Variants in LDLRAD4 observed in about 807,000 individuals in gnomAD.
LDLRAD4 encodes the protein low density lipoprotein receptor class A domain containing 4, also known as low-density lipoprotein receptor class A domain-containing protein 4.
LDLRAD4 carries 5 observed loss-of-function variants against 17.0 expected under a neutral mutation model. That is an observed-to-expected ratio of 0.29 (90% CI 0.15 to 0.62). LDLRAD4 has a LOEUF of 0.62. Ranked by LOEUF, LDLRAD4 falls within the 20% of genes least tolerant of loss-of-function variation. The probability of loss-of-function intolerance (pLI) is 0.84; values close to 1 mark genes in which losing one functional copy is unlikely to be tolerated. For synonymous variants in LDLRAD4, 168 were observed against 171.8 expected (o/e 0.98, Z 0.17); for missense variants, 340 against 424.7 (o/e 0.80, Z 1.75).
At chr18:13,377,975 A>G (rs941932690) in intron 1 of LDLRAD4, among the ~76,000 whole-genome samples, 2 of 152,348 alleles carry the variant, frequency 1.3e-5, no homozygotes, top group Admixed American at 6.5e-5. Context: ...TATTCCTCAG[A>G]TAATGAATGT....
intron 3 of LDLRAD4, among the ~76,000 whole-genome samples, chr18:13,502,016 G>T (rs929161135): frequency 3.9e-5 from 6 of 152,354 alleles, no homozygotes; most frequent in Non-Finnish European, 8.8e-5. Context: ...GGTAGGTGCC[G>T]TAGGCAAATT....
At chr18:13,478,695 T>C (rs1024061644) in intron 3 of LDLRAD4, among the ~76,000 whole-genome samples, 5 of 152,220 alleles carry the variant, frequency 3.3e-5, no homozygotes, top group African/African-American at 1.2e-4. Flanking sequence ...AAGATGCCGG[T>C]TCTTCCCAAA....
At chr18:13,551,425 G>A (rs577769830) in intron 3 of LDLRAD4, among the ~76,000 whole-genome samples, 1 of 152,234 alleles carries the variant, frequency 6.6e-6, no homozygotes, top group Non-Finnish European at 1.5e-5. Flanking sequence ...TTGACACAGA[G>A]CAAAGAGTGA....
chr18:13,339,992 G>A (rs917074003), intron 1 of LDLRAD4, among the ~76,000 whole-genome samples: 1 of 151,978 alleles, frequency 6.6e-6, no homozygotes, highest in African/African-American at 2.4e-5. Context: ...CTTTCTCTAT[G>A]AATTTGATTA....
Position 13,645,797 on chromosome 18 carries a change from G to C in LDLRAD4, c.*140G>C, listed in dbSNP as rs948273763. 21 of 572,120 alleles carry C rather than the reference G, an allele frequency of 3.7e-5. No homozygotes were observed. Among genetic ancestry groups the C allele is most frequent in the Non-Finnish European group, 5.9e-5 (21 of 358,130 alleles). 35.4% of individuals were successfully genotyped at this position (572,120 alleles called of 1,614,324 possible). A position where few individuals can be genotyped will look rare whatever the true frequency, so the allele number is the denominator to read the frequency against. ...ATGAGCAAACACGGTCTTTGTTTCT[G>C]ATTCCTTTTAGGGGAATTGCATGCA... On this transcript the variant is annotated 3_prime_UTR_variant, in exon 6 of 6. Transcript: ENST00000359446. The surrounding 1 kb of genome is among the most constrained non-coding windows in gnomAD (Gnocchi z 5.7).
chr18:13,402,621 C>T (rs1446171686), intron 2 of LDLRAD4, among the ~76,000 whole-genome samples: 1 of 152,184 alleles, frequency 6.6e-6, no homozygotes. Flanking sequence ...CTTTCTAACA[C>T]GTTGCATTTG....
At chr18:13,603,659 C>G (rs2095189459) in intron 3 of LDLRAD4, among the ~76,000 whole-genome samples, 1 of 152,258 alleles carries the variant, frequency 6.6e-6, no homozygotes, top group Admixed American at 6.5e-5. Context: ...GAAGCGCCAT[C>G]TCAGTGTTAG....
At chr18:13,391,232 T>C (rs2086251809) in intron 2 of LDLRAD4, among the ~76,000 whole-genome samples, 1 of 152,218 alleles carries the variant, frequency 6.6e-6, no homozygotes, top group Admixed American at 6.5e-5. Context: ...TTTGTCACTT[T>C]ATGTTCCAAT....
upstream of LDLRAD4, among the ~76,000 whole-genome samples, chr18:13,277,374 G>T (rs1428550785): frequency 6.6e-6 from 1 of 152,214 alleles, no homozygotes; most frequent in Non-Finnish European, 1.5e-5. Flanking sequence ...AACTGCTTTG[G>T]AGCTCGAGGC....
intron 3 of LDLRAD4, among the ~76,000 whole-genome samples, chr18:13,523,385 G>C (rs1279898772): frequency 6.6e-6 from 1 of 152,204 alleles, no homozygotes. Flanking sequence ...TGTTGGGAGG[G>C]GAGTGGGCCA....
chr18:13,378,434 A>G lies in LDLRAD4; in HGVS notation c.-382-8907A>G, dbSNP rs573145839. ...GGAAGCTTGAGAGGTGCATGTGAAG[A>G]ACTTAAAAGGTCAGCACTTTACCAA... On this transcript the variant is annotated intron_variant, in intron 1 of 5. Transcript: ENST00000359446. Among the ~76,000 whole-genome samples, 9 of 152,304 alleles carry G rather than the reference A, an allele frequency of 5.9e-5. No individual in the cohort carries two copies. The South Asian group carries it at 1.9e-3, about 32-fold the overall frequency.
chr18:13,389,025 T>G (rs1325882428), intron 2 of LDLRAD4, among the ~76,000 whole-genome samples: 1 of 152,180 alleles, frequency 6.6e-6, no homozygotes, highest in Non-Finnish European at 1.5e-5. Context: ...GCTCCGCAGC[T>G]GTGTACACCT....
chr18:13,625,821 GCCAGAGCCCTCCTCCCCCCA>G lies in LDLRAD4; in HGVS notation c.336+4567_336+4586del, dbSNP rs1393800726. Among the ~76,000 whole-genome samples the G allele has an allele frequency of 6.3e-3, 572 of 90,236 alleles. 5 individuals are homozygous for G. The highest frequency in any genetic ancestry group is 0.021 in the African/African-American group (508 of 23,976). The allele number at this position is 90,236 out of a possible 152,430, so 59.2% of individuals were successfully genotyped here. Reference sequence around the variant, plus strand: ...CCTCAGCCGGCGCCCTCCTCCCCCCGCCAGAGCCCTCCTCCCCCCACCAGAGCCCTCCTCCCTCCACCAGC... The same window carrying G: ...CCTCAGCCGGCGCCCTCCTCCCCCCGCCAGAGCCCTCCTCCCTCCACCAGC... On this transcript the variant is annotated intron_variant, in intron 4 of 5. Coordinates refer to ENST00000359446, the Ensembl canonical transcript of LDLRAD4.
chr18:13,632,372 C>T (rs537360932), intron 4 of LDLRAD4, among the ~76,000 whole-genome samples: 1 of 152,360 alleles, frequency 6.6e-6, no homozygotes, highest in Non-Finnish European at 1.5e-5. Flanking sequence ...CAAGGTCCAG[C>T]CACTGTGCAC....
intron 3 of LDLRAD4, among the ~76,000 whole-genome samples, chr18:13,541,508 G>A (rs2094282463): frequency 6.6e-6 from 1 of 152,202 alleles, no homozygotes; most frequent in African/African-American, 2.4e-5. Flanking sequence ...CTCAGGTGGT[G>A]GGAGTCCCAG....
At chr18:13,316,296 C>A (rs2080930745) in intron 1 of LDLRAD4, among the ~76,000 whole-genome samples, 1 of 152,104 alleles carries the variant, frequency 6.6e-6, no homozygotes, top group African/African-American at 2.4e-5. Flanking sequence ...CCACAGAGAT[C>A]ATAGAAATCA....
intron 3 of LDLRAD4, among the ~76,000 whole-genome samples, chr18:13,513,612 T>G (rs2093816844): frequency 6.6e-6 from 1 of 152,202 alleles, no homozygotes. Context: ...ATCGTCTTCA[T>G]CAGTCTCCGT....
intron 2 of LDLRAD4, among the ~76,000 whole-genome samples, chr18:13,412,818 G>A (rs1046918705): frequency 2.0e-5 from 3 of 152,216 alleles, no homozygotes; most frequent in African/African-American, 7.2e-5. Context: ...AATGAACTGA[G>A]CACTTAATGT....
At chr18:13,586,039 G>T (rs1478439093) in intron 3 of LDLRAD4, among the ~76,000 whole-genome samples, 3 of 152,128 alleles carry the variant, frequency 2.0e-5, no homozygotes, top group African/African-American at 7.2e-5. Context: ...TGGAGTGAAT[G>T]AAAGTTGAAG....
Sources: gnomAD v4.1 joint callset for allele counts (sites outside exome capture counted in the v4.1 genomes callset) on GRCh38, gnomAD v4.1.1 for gene constraint, Gnocchi (gnomAD v3.1) non-coding constraint, MANE v1.5 for transcripts, NCBI Gene and HGNC (gene_info 2026-07-23, HGNC 2026-07-21) for gene names.